Variants in THAP10 observed in about 807,000 individuals in gnomAD.
THAP10 encodes THAP domain containing 10.
Under a neutral mutation model 15.7 loss-of-function variants are expected in THAP10, and 10 were observed. That is an observed-to-expected ratio of 0.64 (90% CI 0.39 to 1.08). The LOEUF is 1.08. Ranked by LOEUF, THAP10 falls within the 50% of genes least tolerant of loss-of-function variation. The probability of loss-of-function intolerance (pLI) is 0.01; values close to 1 mark genes in which losing one functional copy is unlikely to be tolerated. For synonymous variants in THAP10, 127 were observed against 129.1 expected, an observed-to-expected ratio of 0.98 and a Z score of 0.11; for missense variants, 310 against 330.9, an observed-to-expected ratio of 0.94 and a Z score of 0.49.
chr15:70,884,679 C>G (rs944631789), intron 1 of THAP10, among the ~76,000 whole-genome samples: 8 of 152,040 alleles, frequency 5.3e-5, no homozygotes, highest in Non-Finnish European at 7.4e-5. Flanking sequence ...TACTTCTAAG[C>G]CAAGCATTGT....
In THAP10 at chr15:70,882,911, A is replaced by G. The variant is rs1467255313; in HGVS notation, c.430-3T>C. ...ACAAGTTCATTTTCACACGTAATCT[A>G]AAAATACAAATCAGAGGAGAAACAT... is the stretch of plus-strand genomic sequence containing the variant. On this transcript the variant is annotated splice_region_variant and splice_polypyrimidine_tract_variant and intron_variant, in intron 1 of 2. Transcript: ENST00000249861. The G allele has an allele frequency of 6.2e-7, 1 of 1,613,620 alleles. No individual in the cohort carries two copies. The highest frequency in any genetic ancestry group is 8.5e-7 in the Non-Finnish European group (1 of 1,179,826).
At chr15:70,891,263 T>C (rs2033553113) in intron 1 of THAP10, among the ~76,000 whole-genome samples, 2 of 152,058 alleles carry the variant, frequency 1.3e-5, no homozygotes, top group Admixed American at 1.3e-4. Context: ...GAGAGCAAGA[T>C]GGGGAAAGTC....
chr15:70,889,338 ATGATT>A (rs1332983154), intron 1 of THAP10, among the ~76,000 whole-genome samples: 3 of 151,992 alleles, frequency 2.0e-5, no homozygotes, highest in Non-Finnish European at 4.4e-5. Flanking sequence ...TGGCTACAGT[ATGATT>A]TGATTTATAT....
chr15:70,891,763 C>G (rs1034331920), intron 1 of THAP10, 81 bp downstream of exon 1: 20 of 1,288,772 alleles, frequency 1.6e-5, no homozygotes, highest in Non-Finnish European at 1.9e-5. Context: ...AGATGAGGTG[C>G]CTTTCCCAAG....
At chr15:70,885,698 T>C (rs968780552) in intron 1 of THAP10, among the ~76,000 whole-genome samples, 3 of 152,204 alleles carry the variant, frequency 2.0e-5, no homozygotes, top group Admixed American at 1.3e-4. Context: ...AATAACCTAA[T>C]AACATAGCTT....
chr15:70,888,236 AAC>A (rs1405736784), intron 1 of THAP10, among the ~76,000 whole-genome samples: 1 of 152,164 alleles, frequency 6.6e-6, no homozygotes, highest in African/African-American at 2.4e-5. Context: ...AATATCCACA[AAC>A]ATGAACAAGG....
chr15:70,886,057 A>T (rs1029374240), intron 1 of THAP10, among the ~76,000 whole-genome samples: 4 of 152,222 alleles, frequency 2.6e-5, no homozygotes, highest in Admixed American at 6.5e-5. Flanking sequence ...TACGGGAATT[A>T]AAAAATATAC....
intron 1 of THAP10, among the ~76,000 whole-genome samples, chr15:70,884,770 T>TA (rs913849547): frequency 3.7e-4 from 57 of 152,234 alleles, no homozygotes; most frequent in African/African-American, 5.1e-4. Context: ...TAATCAGGGT[T>TA]AAAAAAATAA....
intron 1 of THAP10, among the ~76,000 whole-genome samples, chr15:70,884,510 G>A (rs1274747054): frequency 6.6e-6 from 1 of 151,650 alleles, no homozygotes; most frequent in Non-Finnish European, 1.5e-5. Context: ...ACAGAGTGAG[G>A]CTCTGTTTCA....
At chr15:70,885,206 A>G (rs1191464736) in intron 1 of THAP10, among the ~76,000 whole-genome samples, 1 of 152,224 alleles carries the variant, frequency 6.6e-6, no homozygotes, top group African/African-American at 2.4e-5. Context: ...AATATCTAGA[A>G]CAAGGCAGAA....
Position 70,882,747 on chromosome 15 carries a change from G to C in THAP10, c.577+14C>G. 2 of 1,613,796 alleles carry C rather than the reference G, an allele frequency of 1.2e-6. No individual in the cohort carries two copies. The highest frequency in any genetic ancestry group is 2.7e-5 in the African/African-American group (2 of 75,018). Reference sequence around the variant, plus strand: ...CAATTCAATTGCTTAATCCATTGAAGAGTCAAAACATACCCACACTACGGT... The same window carrying C: ...CAATTCAATTGCTTAATCCATTGAACAGTCAAAACATACCCACACTACGGT... On this transcript the variant is annotated intron_variant, in intron 2 of 2. Transcript: ENST00000249861.
Position 70,882,665 on chromosome 15 carries a change from G to C in THAP10, c.578-15C>G. The C allele has an allele frequency of 6.2e-7, 1 of 1,612,640 alleles. No homozygotes were observed. Among genetic ancestry groups the C allele is most frequent in the Non-Finnish European group, 8.5e-7 (1 of 1,179,052 alleles). ...GGCTTGAATACCTGAAAGAGAATAA[G>C]CATAAGTACCTATGAGTTAGACTTT... On this transcript the variant is annotated splice_polypyrimidine_tract_variant and intron_variant, in intron 2 of 2. Transcript: ENST00000249861.
At chr15:70,891,692 C>A (rs1227615276) in intron 1 of THAP10, 152 bp downstream of exon 1, 5 of 655,020 alleles carry the variant, frequency 7.6e-6, no homozygotes, top group Non-Finnish European at 1.3e-5. Flanking sequence ...ATAAGTGGGA[C>A]CTTGGAGATC....
chr15:70,885,250 G>C (rs1175734939), intron 1 of THAP10, among the ~76,000 whole-genome samples: 1 of 152,100 alleles, frequency 6.6e-6, no homozygotes, highest in Non-Finnish European at 1.5e-5. Context: ...TACAGAAAAT[G>C]TCATAACAGA....
chr15:70,887,618 TA>T (rs2033445307), intron 1 of THAP10, among the ~76,000 whole-genome samples: 1 of 152,118 alleles, frequency 6.6e-6, no homozygotes, highest in South Asian at 2.1e-4. Context: ...AAGAGAGCTA[TA>T]AAAAACTATA....
At chr15:70,890,232 AT>A (rs1035505668) in intron 1 of THAP10, among the ~76,000 whole-genome samples, 3 of 152,030 alleles carry the variant, frequency 2.0e-5, no homozygotes, top group African/African-American at 7.3e-5. Flanking sequence ...CATGTTTAGT[AT>A]TTATCTCTCT....
rs1027103355 is a variant in THAP10, at chr15:70,892,317, G to A, written c.-45C>T. 1.2e-5 allele frequency: 19 copies of A among 1,550,004 alleles called. No individual in the cohort carries two copies. The highest frequency in any genetic ancestry group is 1.1e-4 in the African/African-American group (8 of 73,086). On this transcript the variant is annotated 5_prime_UTR_variant, in exon 1 of 3. Coordinates refer to ENST00000249861, the MANE Select transcript of THAP10 (RefSeq NM_020147.4). ...CGGGAGCCGGGTTCCCTGGACCTTC[G>A]CCCTTGGGCACGCTCCTCGCAGCGG...
Position 70,891,618 on chromosome 15 carries a change from T to A in THAP10, c.429+226A>T, listed in dbSNP as rs58441961. On this transcript the variant is annotated intron_variant, in intron 1 of 2. Coordinates refer to ENST00000249861, the MANE Select transcript of THAP10 (RefSeq NM_020147.4). ...GTGTGTGTGTGTGTGTGTGTGTGTG[T>A]GAGTTTTGGGGGAGGAGCAGTTAGA... is the stretch of plus-strand genomic sequence containing the variant. Among the ~76,000 whole-genome samples the A allele has an allele frequency of 5.5e-3, 698 of 127,654 alleles. 23 individuals carry two copies. In the East Asian group the frequency reaches 0.11, roughly 20 times the overall value. The allele number at this position is 127,654 out of a possible 152,430, so 83.7% of individuals were successfully genotyped here.
chr15:70,891,675 G>A (rs1016084019), intron 1 of THAP10, among the ~76,000 whole-genome samples, 169 bp downstream of exon 1: 1 of 151,312 alleles, frequency 6.6e-6, no homozygotes, highest in African/African-American at 2.4e-5. Context: ...ATTCCAAAGT[G>A]TTAATGATAA....
Sources: gnomAD v4.1 joint callset for allele counts (sites outside exome capture counted in the v4.1 genomes callset) on GRCh38, gnomAD v4.1.1 for gene constraint, MANE v1.5 for transcripts, NCBI Gene and HGNC (gene_info 2026-07-23, HGNC 2026-07-21) for gene names.